The following RSKR variants were observed in gnomAD, a reference collection of about 807,000 sequenced individuals.
The protein encoded by RSKR is ribosomal protein S6 kinase related.
RSKR carries 44 observed loss-of-function variants against 56.8 expected under a neutral mutation model. The ratio of observed to expected loss-of-function variants is 0.77; its 90% CI spans 0.61 to 1.00. RSKR has a LOEUF of 1.00. Among genes scored for constraint, RSKR ranks in the 50% least tolerant of loss-of-function variants. The pLI, the probability that RSKR is intolerant of heterozygous loss-of-function variation, is 0.00. For missense variants in RSKR, 510 were observed against 506.9 expected (o/e 1.01, Z -0.06); for synonymous variants, 181 against 188.0 (o/e 0.96, Z 0.30).
Position 28,610,579 on chromosome 17 carries a change from T to C in RSKR, c.1132A>G (p.Thr378Ala), listed in dbSNP as rs2070798300. Residue 378 changes from threonine (T) to alanine (A), a missense_variant, in exon 12 of 12, where the codon ACG (threonine) becomes GCG (alanine). Coordinates refer to ENST00000301037, the MANE Select transcript of RSKR (RefSeq NM_001174103.2). The part of the protein sequence containing the change: ...LLQKQPVNFV[T>A]ETQATQPSSA... The stretch of plus-strand genomic sequence containing the variant: ...CTGGGCTGGGTAGCTTGTGTCTCCG[T>C]GACAAAGTTCACTGGCTGCTTCTGT... The C allele has an allele frequency of 2.0e-6, 3 of 1,535,928 alleles. No homozygotes were observed. The highest frequency in any genetic ancestry group is 2.6e-6 in the Non-Finnish European group (3 of 1,146,878).
At position 28,612,707 on chromosome 17, in the gene RSKR, G is replaced by C; in HGVS notation, c.478-20C>G. 6.2e-7 allele frequency: 1 copy of C among 1,613,158 alleles called. No individual in the cohort carries two copies. The highest frequency in any genetic ancestry group is 8.5e-7 in the Non-Finnish European group (1 of 1,179,106). On this transcript the variant is annotated intron_variant, in intron 4 of 11. Coordinates refer to ENST00000301037, the MANE Select transcript of RSKR (RefSeq NM_001174103.2). ...CTGTCGCTAGGAACAAAGAAAACAG[G>C]AAGTTAGGGAGGAACAGGGTCATTG...
At position 28,610,382 on chromosome 17, in the gene RSKR, A is replaced by G; in HGVS notation, c.*96T>C. ...GAGCAGAACGGTAAGAGGCTACAAA[A>G]TAAAAACAAACTGGATTATCAAGGT... On this transcript the variant is annotated 3_prime_UTR_variant, in exon 12 of 12. Transcript: ENST00000301037. 1.7e-6 allele frequency: 2 copies of G among 1,188,604 alleles called. No homozygotes were observed. Among genetic ancestry groups the G allele is most frequent in the East Asian group, 2.6e-5 (1 of 38,998 alleles). The allele number at this position is 1,188,604 out of a possible 1,614,324, so 73.6% of individuals were successfully genotyped here.
chr17:28,608,204 C>T lies in RSKR; in HGVS notation c.*2274G>A, dbSNP rs1362857111. The T allele has an allele frequency of 6.6e-6, 1 of 152,122 alleles. No homozygotes were observed. The highest frequency in any genetic ancestry group is 1.9e-4 in the East Asian group (1 of 5,198). 9.4% of individuals were successfully genotyped at this position (152,122 alleles called of 1,614,324 possible). Reference sequence around the variant, plus strand: ...TAGTATCAGTACAAACAGAAAAATACAATCAGCTGAATATTTAGTGTCCTT... The same window carrying T: ...TAGTATCAGTACAAACAGAAAAATATAATCAGCTGAATATTTAGTGTCCTT... On this transcript the variant is annotated 3_prime_UTR_variant, in exon 12 of 12. Transcript: ENST00000301037.
In RSKR at chr17:28,614,103, A is replaced by C. The variant is rs1597610988; in HGVS notation, c.59T>G (p.Val20Gly). Reference protein sequence around the residue: ...QHTQQGEHTRVAVPHKQGGNI... With the variant: ...QHTQQGEHTRGAVPHKQGGNI... Reference sequence around the variant, plus strand: ...ACAGCCTACCTTGTGAGGGACAGCCACCCGGGTGTGTTCCCCCTGCTGGGT... The same window carrying C: ...ACAGCCTACCTTGTGAGGGACAGCCCCCCGGGTGTGTTCCCCCTGCTGGGT... The change falls in exon 1 of 12, where the codon GTG (valine) becomes GGG (glycine). Residue 20 changes from valine (V) to glycine (G), a missense_variant. Coordinates refer to ENST00000301037, the MANE Select transcript of RSKR (RefSeq NM_001174103.2). 1 of 1,613,208 alleles carries C rather than the reference A, an allele frequency of 6.2e-7. No individual in the cohort carries two copies. The highest frequency in any genetic ancestry group is 8.5e-7 in the Non-Finnish European group (1 of 1,179,760).
chr17:28,614,110 T>G lies in RSKR; in HGVS notation c.52A>C (p.Thr18Pro). ...ACCTTGTGAGGGACAGCCACCCGGG[T>G]GTGTTCCCCCTGCTGGGTGTGCTGC... ...QGQHTQQGEHTRVAVPHKQGG... is the reference protein window; with the variant it reads ...QGQHTQQGEHPRVAVPHKQGG... The change falls in exon 1 of 12, where the codon ACC (threonine) becomes CCC (proline). Residue 18 changes from threonine to proline, a missense_variant. Transcript: ENST00000301037. 1.9e-6 allele frequency: 3 copies of G among 1,613,554 alleles called. No individual in the cohort carries two copies. The South Asian group carries it at 3.3e-5, about 18-fold the overall frequency.
rs779096296 is a variant in RSKR at position 28,613,296 on chromosome 17, A to AGC, written c.372_373dup (p.Leu125ArgfsTer2). The AGC allele has an allele frequency of 6.2e-7, 1 of 1,614,222 alleles. No individual in the cohort carries two copies. Among genetic ancestry groups the AGC allele is most frequent in the Non-Finnish European group, 8.5e-7 (1 of 1,180,038 alleles). On this transcript the variant is annotated frameshift_variant, in exon 3 of 12. Transcript: ENST00000301037. LOFTEE classifies it high-confidence loss of function. ...AAATACAGCTTTCTGGGTGCAATCT[A>AGC]GCACCTTGAGGACAGTTCCAAAGGA...
rs777872824 is a variant in RSKR at position 28,613,431 on chromosome 17, C to T, written c.324+9G>A. On this transcript the variant is annotated intron_variant, in intron 2 of 11. Transcript: ENST00000301037. ...ACTGAGACCCCACTCAGGGATTCCA[C>T]TGACTTACCTTCAGCTGCTGCTGCC... 1.2e-6 allele frequency: 2 copies of T among 1,614,110 alleles called. No individual in the cohort carries two copies. The highest frequency in any genetic ancestry group is 2.7e-5 in the African/African-American group (2 of 74,936).
intron 4 of RSKR, 52 bp downstream of exon 4, chr17:28,613,026 C>T (rs1239068826): frequency 3.2e-6 from 5 of 1,583,924 alleles, no homozygotes; most frequent in Non-Finnish European, 4.3e-6. Flanking sequence ...AGGTACTTTC[C>T]CTACCTGTGG....
Position 28,613,603 on chromosome 17 carries a change from T to C in RSKR, c.161A>G (p.Glu54Gly). ...GTGGTGCCCCCGTAGTTCCCAGAGTTCTTCCAGATCTGACCTGATGGTTCC... is the reference window on the plus strand; with the variant it reads ...GTGGTGCCCCCGTAGTTCCCAGAGTCCTTCCAGATCTGACCTGATGGTTCC... Reference protein sequence around the residue: ...GLGTIRSDLEELWELRGHHYL... With the variant: ...GLGTIRSDLEGLWELRGHHYL... Residue 54 changes from glutamate (E) to glycine (G), a missense_variant, in exon 2 of 12, where the codon GAA becomes GGA. Physicochemically the swap from Glu to Gly is moderately conservative, Grantham distance 98 (BLOSUM62 -2). Coordinates refer to ENST00000301037, the MANE Select transcript of RSKR (RefSeq NM_001174103.2). The C allele has an allele frequency of 6.2e-7, 1 of 1,614,074 alleles. No individual in the cohort carries two copies. The highest frequency in any genetic ancestry group is 8.5e-7 in the Non-Finnish European group (1 of 1,180,006).
At position 28,610,484 on chromosome 17, in the gene RSKR, A is replaced by C. The variant is rs889799411; in HGVS notation, c.1227T>G (p.Pro409=). The change falls in exon 12 of 12, where the codon CCT becomes CCG. Residue 409 remains proline, a synonymous_variant. Transcript: ENST00000301037. The stretch of plus-strand genomic sequence containing the variant: ...CAATTTACAGTAGAGAGGCTCAAGC[A>C]GGGATAGGGTAGAGCAAGAAGGACT... The part of the protein sequence containing the change: ...DLESFLLYPI[P]A 2 of 1,535,846 alleles carry C rather than the reference A, an allele frequency of 1.3e-6. No individual in the cohort carries two copies. The highest frequency in any genetic ancestry group is 2.7e-5 in the African/African-American group (2 of 72,986).
At chr17:28,611,717 CCCAAA>C (rs752141622) in intron 8 of RSKR, 46 bp downstream of exon 8, 13 of 1,613,578 alleles carry the variant, frequency 8.1e-6, no homozygotes, top group African/African-American at 1.3e-5. Flanking sequence ...ATGATTTATT[CCCAAA>C]CCAAAGTACC....
Position 28,612,651 on chromosome 17 carries a change from C to T in RSKR, c.514G>A (p.Asp172Asn). ...AGGTGCCGTTTTCCCTGCCAGCTGTCCCCCAAGCTGTGTACAAAGGGATGG... is the reference window on the plus strand; with the variant it reads ...AGGTGCCGTTTTCCCTGCCAGCTGTTCCCCAAGCTGTGTACAAAGGGATGG... Reference protein sequence around the residue: ...INHPFVHSLGDSWQGKRHLFI... With the variant: ...INHPFVHSLGNSWQGKRHLFI... The change falls in exon 5 of 12, where the codon GAC becomes AAC. Residue 172 changes from aspartate (D) to asparagine (N), a missense_variant. Asp to Asn is a conservative substitution (Grantham distance 23). Coordinates refer to ENST00000301037, the MANE Select transcript of RSKR (RefSeq NM_001174103.2). 2 of 1,614,140 alleles carry T rather than the reference C, an allele frequency of 1.2e-6. No individual in the cohort carries two copies. Among genetic ancestry groups the T allele is most frequent in the African/African-American group, 1.3e-5 (1 of 75,020 alleles).
In RSKR at chr17:28,610,496, G is replaced by A; in HGVS notation, c.1215C>T (p.Leu405=). The change falls in exon 12 of 12, where the codon CTC becomes CTT. Residue 405 remains leucine, a synonymous_variant. Transcript: ENST00000301037. ...GAGAGGCTCAAGCAGGGATAGGGTA[G>A]AGCAAGAAGGACTCCAGATCACAGT... is the stretch of plus-strand genomic sequence containing the variant. ...DFDCDLESFL[L]YPIPA The A allele has an allele frequency of 2.6e-6, 4 of 1,536,096 alleles. No homozygotes were observed. Among genetic ancestry groups the A allele is most frequent in the Non-Finnish European group, 3.5e-6 (4 of 1,146,894 alleles).
At chr17:28,612,429 AT>A in intron 5 of RSKR, 63 bp from the exon 6 acceptor site, 1 of 1,543,772 alleles carries the variant, frequency 6.5e-7, no homozygotes, top group Non-Finnish European at 8.9e-7. Flanking sequence ...GGGAGCTGCA[AT>A]GCCTGGGCTC....
At position 28,612,364 on chromosome 17, in the gene RSKR, A is replaced by G. The variant is rs1317009144; in HGVS notation, c.550T>C (p.Cys184Arg). Residue 184 changes from cysteine to arginine, a missense_variant and splice_region_variant, in exon 6 of 12, where the codon TGT becomes CGT. Coordinates refer to ENST00000301037, the MANE Select transcript of RSKR (RefSeq NM_001174103.2). ...WQGKRHLFIMCSYCSTDLYSL... is the reference protein window; with the variant it reads ...WQGKRHLFIMRSYCSTDLYSL... ...TACAGATCTGTGCTGCAGTAGCTACACACTGCAAAGCCAGTGTGGAGCTAC... is the reference window on the plus strand; with the variant it reads ...TACAGATCTGTGCTGCAGTAGCTACGCACTGCAAAGCCAGTGTGGAGCTAC... 21 of 1,613,808 alleles carry G rather than the reference A, an allele frequency of 1.3e-5. No homozygotes were observed. Among genetic ancestry groups the G allele is most frequent in the Non-Finnish European group, 1.7e-5 (20 of 1,179,806 alleles).
At position 28,610,482 on chromosome 17, in the gene RSKR, G is replaced by A. The variant is rs934093541; in HGVS notation, c.1229C>T (p.Ala410Val). The A allele has an allele frequency of 3.3e-6, 5 of 1,535,902 alleles. No individual in the cohort carries two copies. The highest frequency in any genetic ancestry group is 4.4e-6 in the Non-Finnish European group (5 of 1,146,856). Residue 410 changes from alanine to valine, a missense_variant, in exon 12 of 12, where the codon GCT (alanine) becomes GTT (valine). Ala to Val is a moderately conservative substitution (Grantham distance 64). Transcript: ENST00000301037. ...CCCAATTTACAGTAGAGAGGCTCAAGCAGGGATAGGGTAGAGCAAGAAGGA... is the reference window on the plus strand; with the variant it reads ...CCCAATTTACAGTAGAGAGGCTCAAACAGGGATAGGGTAGAGCAAGAAGGA... ...LESFLLYPIP[A>V]
chr17:28,613,574 G>GA lies in RSKR; in HGVS notation c.189dup (p.Leu64SerfsTer36). On this transcript the variant is annotated frameshift_variant, in exon 2 of 12. Transcript: ENST00000301037. LOFTEE classifies it high-confidence loss of function. Reference sequence around the variant, plus strand: ...GCTGGCTTTAGGGATTCCTGGTGCAGATAGTGGTGCCCCCGTAGTTCCCAG... The same window carrying GA: ...GCTGGCTTTAGGGATTCCTGGTGCAGAATAGTGGTGCCCCCGTAGTTCCCAG... The GA allele has an allele frequency of 6.2e-7, 1 of 1,614,220 alleles. No homozygotes were observed. The highest frequency in any genetic ancestry group is 8.5e-7 in the Non-Finnish European group (1 of 1,180,044).
Position 28,610,401 on chromosome 17 carries a change from T to C in RSKR, c.*77A>G, listed in dbSNP as rs1312424387. On this transcript the variant is annotated 3_prime_UTR_variant, in exon 12 of 12. Coordinates refer to ENST00000301037, the MANE Select transcript of RSKR (RefSeq NM_001174103.2). ...TACAAAATAAAAACAAACTGGATTA[T>C]CAAGGTGGTCATACTGAGTAGGCAG... 3 of 1,284,176 alleles carry C rather than the reference T, an allele frequency of 2.3e-6. No individual in the cohort carries two copies. Among genetic ancestry groups the C allele is most frequent in the Non-Finnish European group, 3.2e-6 (3 of 925,422 alleles). The allele number at this position is 1,284,176 out of a possible 1,614,324, so 79.5% of individuals were successfully genotyped here. A position where few individuals can be genotyped will look rare whatever the true frequency, so the allele number is the denominator to read the frequency against.
Position 28,611,633 on chromosome 17 carries a change from CAAA to C in RSKR, c.742_744del (p.Phe248del). The C allele has an allele frequency of 6.3e-7, 1 of 1,580,666 alleles. No homozygotes were observed. The highest frequency in any genetic ancestry group is 1.2e-5 in the South Asian group (1 of 83,540). The stretch of plus-strand genomic sequence containing the variant: ...CCCTGGGGCACGTGGCGGGACAGAC[CAAA>C]GTCTGTCAGTTTCAGATGGCCTATG... On this transcript the variant is annotated inframe_deletion, in exon 9 of 12. Coordinates refer to ENST00000301037, the MANE Select transcript of RSKR (RefSeq NM_001174103.2).
Sources: gnomAD v4.1 joint callset for allele counts on GRCh38, gnomAD v4.1.1 for gene constraint, MANE v1.5 for transcripts, NCBI Gene and HGNC (gene_info 2026-07-23, HGNC 2026-07-21) for gene names.